GRIN2B: variants seen among roughly 807,000 people sequenced by gnomAD.
GRIN2B encodes glutamate ionotropic receptor NMDA type subunit 2B.
Under a neutral mutation model 114.5 loss-of-function variants are expected in GRIN2B, and 5 were observed. The observed-to-expected ratio is 0.04, with a 90% CI of 0.02 to 0.09. GRIN2B has a LOEUF of 0.09. Among genes scored for constraint, GRIN2B ranks in the 10% least tolerant of loss-of-function variants. The pLI is 1.00. For synonymous variants in GRIN2B, 787 were observed against 745.1 expected (o/e 1.06, Z -0.92); for missense variants, 1,108 against 1,943.5 (o/e 0.57, Z 8.08).
At chr12:13,748,923 A>T (rs1271782973) in intron 4 of GRIN2B, among the ~76,000 whole-genome samples, 1 of 152,238 alleles carries the variant, frequency 6.6e-6, no homozygotes, top group Non-Finnish European at 1.5e-5. Flanking sequence ...TAACGAAATT[A>T]TTCATTGTTT....
At chr12:13,972,103 A>T (rs1245667552) in intron 2 of GRIN2B, among the ~76,000 whole-genome samples, 1 of 152,236 alleles carries the variant, frequency 6.6e-6, no homozygotes, top group Non-Finnish European at 1.5e-5. Flanking sequence ...ATGGCTTCGC[A>T]TTAGAATCCT....
chr12:13,538,911 A>C lies in GRIN2B; in HGVS notation c.*23872T>G, dbSNP rs1327125362. On this transcript the variant is annotated 3_prime_UTR_variant, in exon 14 of 14. Transcript: ENST00000609686. ...TCTTGTCTTCCCCCTTTTTTTTTTA[A>C]ACAAATCTCAGATTTTCAAATCAAA... is the stretch of plus-strand genomic sequence containing the variant. 1 of 151,534 alleles carries C rather than the reference A, an allele frequency of 6.6e-6. No individual in the cohort carries two copies. The highest frequency in any genetic ancestry group is 6.6e-5 in the Admixed American group (1 of 15,252). 9.4% of individuals were successfully genotyped at this position (151,534 alleles called of 1,614,324 possible). A position where few individuals can be genotyped will look rare whatever the true frequency, so the allele number is the denominator to read the frequency against.
rs1238570276 is a variant in GRIN2B at position 13,541,376 on chromosome 12, G to A, written c.*21407C>T. ...CCAGGTTACCCCATTAACCAGGGGT[G>A]GGAGCCAGTCTGAAGGAGGGGAGAT... is the stretch of plus-strand genomic sequence containing the variant. On this transcript the variant is annotated 3_prime_UTR_variant, in exon 14 of 14. Coordinates refer to ENST00000609686, the MANE Select transcript of GRIN2B (RefSeq NM_000834.5). The A allele has an allele frequency of 6.6e-6, 1 of 152,194 alleles. No homozygotes were observed. The highest frequency in any genetic ancestry group is 1.5e-5 in the Non-Finnish European group (1 of 68,048). 9.4% of individuals were successfully genotyped at this position (152,194 alleles called of 1,614,324 possible).
intron 2 of GRIN2B, among the ~76,000 whole-genome samples, chr12:13,921,265 G>T (rs1247782389): frequency 6.6e-6 from 1 of 152,042 alleles, no homozygotes; most frequent in African/African-American, 2.4e-5. Flanking sequence ...AGCTGTGGTG[G>T]TGCAGACCTG....
chr12:13,566,827 A>AAGGAAATATAGTATCACCCAC (rs1948646928), intron 13 of GRIN2B, among the ~76,000 whole-genome samples, 198 bp downstream of exon 13: 1 of 152,214 alleles, frequency 6.6e-6, no homozygotes, highest in South Asian at 2.1e-4. Context: ...CTGTTTCTTG[A>AAGGAAATATAGTATCACCCAC]AGGAAATATA....
Position 13,563,793 on chromosome 12 carries a change from C to A in GRIN2B, c.3445G>T (p.Val1149Leu). ...TCCTTGTAGATGTCGGTCAGGTCTA[C>A]GTGCTCCCAGTGGGGTGAGTTCTCC... ...TKENSPHWEHVDLTDIYKERS... is the reference protein window; with the variant it reads ...TKENSPHWEHLDLTDIYKERS... The change falls in exon 14 of 14, where the codon GTA becomes TTA. Residue 1149 changes from valine (V) to leucine (L), a missense_variant. Coordinates refer to ENST00000609686, the MANE Select transcript of GRIN2B (RefSeq NM_000834.5). 3 of 1,613,766 alleles carry A rather than the reference C, an allele frequency of 1.9e-6. No individual in the cohort carries two copies. The highest frequency in any genetic ancestry group is 2.5e-6 in the Non-Finnish European group (3 of 1,179,906).
At chr12:13,585,463 A>G (rs916517194) in intron 10 of GRIN2B, among the ~76,000 whole-genome samples, 4 of 152,184 alleles carry the variant, frequency 2.6e-5, no homozygotes, top group African/African-American at 7.2e-5. Context: ...TGGTCAATAA[A>G]GTCAGCCCTA....
chr12:13,879,505 A>C (rs1455666085), intron 2 of GRIN2B, among the ~76,000 whole-genome samples: 1 of 151,242 alleles, frequency 6.6e-6, no homozygotes, highest in Non-Finnish European at 1.5e-5. Context: ...TGCAGAAAAG[A>C]AATTAGAATT....
chr12:13,740,596 C>T (rs926633066), intron 4 of GRIN2B, among the ~76,000 whole-genome samples: 1 of 151,590 alleles, frequency 6.6e-6, no homozygotes, highest in African/African-American at 2.4e-5. Context: ...TACTGGAGGA[C>T]ATTTGTAAAT....
At chr12:13,688,547 TA>T (rs1246957781) in intron 4 of GRIN2B, among the ~76,000 whole-genome samples, 2 of 152,076 alleles carry the variant, frequency 1.3e-5, no homozygotes, top group Non-Finnish European at 2.9e-5. Flanking sequence ...ATTTGCCTTA[TA>T]AAAAAACAGG....
At chr12:13,929,430 G>T (rs143389824) in intron 2 of GRIN2B, among the ~76,000 whole-genome samples, 4 of 152,322 alleles carry the variant, frequency 2.6e-5, no homozygotes, top group East Asian at 1.9e-4. Context: ...CTGCCCAGCT[G>T]CCAGTAATAA....
intron 3 of GRIN2B, among the ~76,000 whole-genome samples, chr12:13,822,479 T>C (rs1333214876): frequency 6.6e-6 from 1 of 152,024 alleles, no homozygotes; most frequent in Non-Finnish European, 1.5e-5. Flanking sequence ...AGTGTGCCAA[T>C]GAAGAAAGGT....
chr12:13,699,004 C>T (rs10772702), intron 4 of GRIN2B, among the ~76,000 whole-genome samples: 92,455 of 152,066 alleles, frequency 0.61, 28,362 homozygotes, highest in East Asian at 0.84. Context: ...ATTATTATAA[C>T]ATGTAGAAAC....
intron 5 of GRIN2B, among the ~76,000 whole-genome samples, chr12:13,617,920 GCAT>G (rs1949464355): frequency 6.6e-6 from 1 of 152,146 alleles, no homozygotes; most frequent in Non-Finnish European, 1.5e-5. Context: ...TTGTGTTACT[GCAT>G]CATTATAATG....
At chr12:13,725,571 G>A (rs749839284) in intron 4 of GRIN2B, among the ~76,000 whole-genome samples, 6 of 152,112 alleles carry the variant, frequency 3.9e-5, no homozygotes, top group Non-Finnish European at 8.8e-5. Context: ...GATCAAGAAT[G>A]AGGGAAACCA....
intron 3 of GRIN2B, among the ~76,000 whole-genome samples, chr12:13,819,593 T>G (rs1864894151): frequency 6.6e-6 from 1 of 152,210 alleles, no homozygotes; most frequent in Non-Finnish European, 1.5e-5. Context: ...AGCACTATCC[T>G]AGGGGTGTCT....
chr12:13,705,065 C>T (rs926176321), intron 4 of GRIN2B, among the ~76,000 whole-genome samples: 1 of 131,098 alleles, frequency 7.6e-6, no homozygotes, highest in South Asian at 2.4e-4. Flanking sequence ...CAATCCTATC[C>T]ATTCTTTTTT....
intron 2 of GRIN2B, among the ~76,000 whole-genome samples, chr12:13,903,247 C>T (rs1866484837): frequency 6.6e-6 from 1 of 152,074 alleles, no homozygotes; most frequent in South Asian, 2.1e-4. Context: ...TTCTTACTCT[C>T]ATCTTGATCA....
At chr12:13,681,986 G>A (rs1221938050) in intron 4 of GRIN2B, among the ~76,000 whole-genome samples, 1 of 152,062 alleles carries the variant, frequency 6.6e-6, no homozygotes, top group Non-Finnish European at 1.5e-5. Flanking sequence ...TTTCCCAAAG[G>A]ATTAGAAATA....
Sources: gnomAD v4.1 joint callset for allele counts (sites outside exome capture counted in the v4.1 genomes callset) on GRCh38, gnomAD v4.1.1 for gene constraint, MANE v1.5 for transcripts, NCBI Gene and HGNC (gene_info 2026-07-23, HGNC 2026-07-21) for gene names.